Variants in LRRC75A observed in about 807,000 individuals in gnomAD.
LRRC75A encodes the protein leucine rich repeat containing 75A, also known as leucine-rich repeat-containing protein 75A.
In LRRC75A, 12 loss-of-function variants were observed where a neutral mutation model predicts 26.0. The ratio of observed to expected loss-of-function variants is 0.46; its 90% CI spans 0.30 to 0.75. LRRC75A has a LOEUF of 0.75. LRRC75A is among the 30% of genes least tolerant of loss of function. The probability of loss-of-function intolerance (pLI) is 0.08; values close to 1 mark genes in which losing one functional copy is unlikely to be tolerated. For missense variants in LRRC75A, 410 were observed against 486.6 expected, an observed-to-expected ratio of 0.84 and a Z score of 1.48; for synonymous variants, 223 against 219.3, an observed-to-expected ratio of 1.02 and a Z score of -0.15.
rs7224604 is a variant in LRRC75A at position 16,472,055 on chromosome 17, C to T, written c.247-9669G>A. Among the ~76,000 whole-genome samples, 1,216 of 152,130 alleles carry T rather than the reference C, an allele frequency of 8.0e-3. 24 individuals are homozygous for T. The highest frequency in any genetic ancestry group is 0.027 in the African/African-American group (1,128 of 41,466). ...AACTGTGCACCTAAAATGGTTAAAA[C>T]GGTATTTTATATTTGTATATTTTAT... On this transcript the variant is annotated intron_variant, in intron 1 of 3. Coordinates refer to ENST00000470794, the MANE Select transcript of LRRC75A (RefSeq NM_001113567.3).
At chr17:16,486,524 C>T (rs1280941635) in intron 1 of LRRC75A, among the ~76,000 whole-genome samples, 5 of 152,142 alleles carry the variant, frequency 3.3e-5, no homozygotes, top group Non-Finnish European at 5.9e-5. Context: ...CAGAGAGCGG[C>T]GGATTTTAAA....
chr17:16,461,564 G>A (rs1406884466), intron 2 of LRRC75A, among the ~76,000 whole-genome samples: 1 of 152,216 alleles, frequency 6.6e-6, no homozygotes, highest in Non-Finnish European at 1.5e-5. Context: ...TCTGGAGCCT[G>A]GAGAGCCATG....
Position 16,443,461 on chromosome 17 carries a change from T to G in LRRC75A, c.*127A>C. ...CCAGATGATATGGTTTGCCTTTCTGTAGGTGGGTGGCCCAGGCCAATTTTT... is the reference window on the plus strand; with the variant it reads ...CCAGATGATATGGTTTGCCTTTCTGGAGGTGGGTGGCCCAGGCCAATTTTT... On this transcript the variant is annotated 3_prime_UTR_variant, in exon 4 of 4. Coordinates refer to ENST00000470794, the MANE Select transcript of LRRC75A (RefSeq NM_001113567.3). 1 of 799,186 alleles carries G rather than the reference T, an allele frequency of 1.3e-6. No individual in the cohort carries two copies. Among genetic ancestry groups the G allele is most frequent in the Non-Finnish European group, 1.9e-6 (1 of 525,542 alleles). The allele number at this position is 799,186 out of a possible 1,614,324, so 49.5% of individuals were successfully genotyped here. A position where few individuals can be genotyped will look rare whatever the true frequency, so the allele number is the denominator to read the frequency against.
chr17:16,445,301 G>C (rs1005581634), intron 3 of LRRC75A, among the ~76,000 whole-genome samples: 4 of 151,668 alleles, frequency 2.6e-5, no homozygotes, highest in Admixed American at 2.0e-4. Flanking sequence ...GAGTAGCTGG[G>C]ACTACAGGTG....
chr17:16,460,390 C>T (rs1426632713), intron 2 of LRRC75A, among the ~76,000 whole-genome samples: 3 of 152,238 alleles, frequency 2.0e-5, no homozygotes, highest in Non-Finnish European at 4.4e-5. Context: ...GCCCCTCCTC[C>T]TGGCCTTGCC....
Position 16,442,603 on chromosome 17 carries a change from G to A in LRRC75A, c.*985C>T, listed in dbSNP as rs142561348. 56 of 152,390 alleles carry A rather than the reference G, an allele frequency of 3.7e-4. No individual in the cohort carries two copies. The highest frequency in any genetic ancestry group is 1.3e-3 in the African/African-American group (56 of 41,572). 9.4% of individuals were successfully genotyped at this position (152,390 alleles called of 1,614,324 possible). A position where few individuals can be genotyped will look rare whatever the true frequency, so the allele number is the denominator to read the frequency against. On this transcript the variant is annotated 3_prime_UTR_variant, in exon 4 of 4. Coordinates refer to ENST00000470794, the MANE Select transcript of LRRC75A (RefSeq NM_001113567.3). ...CTCCCTCTCCCCAGCCATCTTGTTG[G>A]ATCTGCCAAGGGATTGGACTCCTTC...
intron 2 of LRRC75A, among the ~76,000 whole-genome samples, chr17:16,453,314 A>ACACACACACACACG (rs1568956563): frequency 1.0e-5 from 1 of 100,398 alleles, no homozygotes; most frequent in African/African-American, 2.8e-5. Flanking sequence ...ACACACACGC[A>ACACACACACACACG]CACACGCACA....
At position 16,491,383 on chromosome 17, in the gene LRRC75A, C is replaced by T. The variant is rs1351597222; in HGVS notation, c.246+362G>A. 6.6e-6 allele frequency among the ~76,000 whole-genome samples: 1 copy of T among 152,248 alleles called. No homozygotes were observed. The highest frequency in any genetic ancestry group is 1.5e-5 in the Non-Finnish European group (1 of 68,040). On this transcript the variant is annotated intron_variant, in intron 1 of 3. Coordinates refer to ENST00000470794, the MANE Select transcript of LRRC75A (RefSeq NM_001113567.3). The surrounding 1 kb of genome is among the most constrained non-coding windows in gnomAD (Gnocchi z 5.9). ...TCGGCCGGGAGTGACTGCCAGTGGG[C>T]AGACAGGAAGAAAAGAGCCCTGGCC... is the stretch of plus-strand genomic sequence containing the variant.
At chr17:16,446,711 G>A (rs1260086399) in intron 3 of LRRC75A, among the ~76,000 whole-genome samples, 1 of 152,024 alleles carries the variant, frequency 6.6e-6, no homozygotes, top group Non-Finnish European at 1.5e-5. Context: ...AACCAGGAGA[G>A]GCCCTTAGGT....
chr17:16,450,762 GGA>G (rs2093624726), intron 2 of LRRC75A, among the ~76,000 whole-genome samples: 1 of 152,316 alleles, frequency 6.6e-6, no homozygotes, highest in East Asian at 1.9e-4. Context: ...ACTGGGAGAT[GGA>G]GAGAGGGGTG....
chr17:16,492,078 C>A lies in LRRC75A; in HGVS notation c.-88G>T. ...CGCCCCTCGGCCGCCCGTGCGCGCTCGCCTCCCGGGCTGCAACTTTGGGGG... is the reference window on the plus strand; with the variant it reads ...CGCCCCTCGGCCGCCCGTGCGCGCTAGCCTCCCGGGCTGCAACTTTGGGGG... On this transcript the variant is annotated 5_prime_UTR_variant, in exon 1 of 4. Coordinates refer to ENST00000470794, the MANE Select transcript of LRRC75A (RefSeq NM_001113567.3). 9.6e-7 allele frequency: 1 copy of A among 1,041,470 alleles called. No homozygotes were observed. The highest frequency in any genetic ancestry group is 4.5e-5 in the South Asian group (1 of 22,240). 64.5% of individuals were successfully genotyped at this position (1,041,470 alleles called of 1,614,324 possible).
At chr17:16,484,863 G>A (rs2093842691) in intron 1 of LRRC75A, among the ~76,000 whole-genome samples, 2 of 151,292 alleles carry the variant, frequency 1.3e-5, no homozygotes, top group African/African-American at 4.9e-5. Context: ...TCCTGGTTAA[G>A]ATAAAGTTAG....
rs1032377689 is a variant in LRRC75A, at chr17:16,442,569, A to G, written c.*1019T>C. On this transcript the variant is annotated 3_prime_UTR_variant, in exon 4 of 4. Transcript: ENST00000470794. ...AAGTTAGGTTCCTTTGGGAGCCTCCAGTTTGTTTCTCCCTCTCCCCAGCCA... is the reference window on the plus strand; with the variant it reads ...AAGTTAGGTTCCTTTGGGAGCCTCCGGTTTGTTTCTCCCTCTCCCCAGCCA... 1 of 152,268 alleles carries G rather than the reference A, an allele frequency of 6.6e-6. No individual in the cohort carries two copies. The highest frequency in any genetic ancestry group is 1.5e-5 in the Non-Finnish European group (1 of 68,068). The allele number at this position is 152,268 out of a possible 1,614,324, so 9.4% of individuals were successfully genotyped here.
intron 2 of LRRC75A, among the ~76,000 whole-genome samples, chr17:16,452,478 C>G (rs1054505551): frequency 4.6e-5 from 7 of 151,586 alleles, no homozygotes; most frequent in African/African-American, 1.7e-4. Context: ...CACTCTGTTG[C>G]CCAGGCTGGA....
At chr17:16,482,683 C>G (rs755814655) in intron 1 of LRRC75A, among the ~76,000 whole-genome samples, 3 of 152,242 alleles carry the variant, frequency 2.0e-5, no homozygotes, top group Non-Finnish European at 4.4e-5. Flanking sequence ...TGGCCAGAGA[C>G]AAGGGCAGAG....
In LRRC75A at chr17:16,443,340, C is replaced by G; in HGVS notation, c.*248G>C. On this transcript the variant is annotated 3_prime_UTR_variant, in exon 4 of 4. Transcript: ENST00000470794. ...CCATGAGCTGAGCTGAGAGGGTTCTCTGGGGCCTGGGATGACTTAAGAACC... is the reference window on the plus strand; with the variant it reads ...CCATGAGCTGAGCTGAGAGGGTTCTGTGGGGCCTGGGATGACTTAAGAACC... 3 of 482,908 alleles carry G rather than the reference C, an allele frequency of 6.2e-6. No individual in the cohort carries two copies. The highest frequency in any genetic ancestry group is 7.3e-6 in the Non-Finnish European group (2 of 272,820). 29.9% of individuals were successfully genotyped at this position (482,908 alleles called of 1,614,324 possible).
chr17:16,455,572 G>A (rs572056475), intron 2 of LRRC75A, among the ~76,000 whole-genome samples: 56 of 151,972 alleles, frequency 3.7e-4, no homozygotes, highest in African/African-American at 1.2e-3. Flanking sequence ...TATTAGAGAC[G>A]GGGTTTCACC....
At chr17:16,489,152 C>T (rs932900873) in intron 1 of LRRC75A, among the ~76,000 whole-genome samples, 7 of 152,148 alleles carry the variant, frequency 4.6e-5, no homozygotes, top group African/African-American at 1.7e-4. Flanking sequence ...CTCAAAGAGG[C>T]TAAGAAGCAC....
At position 16,443,379 on chromosome 17, in the gene LRRC75A, TG is replaced by T. The variant is rs574205925; in HGVS notation, c.*208del. ...GACTTAAGAACCAAATGGCAGATAA[TG>T]GGATAGGGGGCAGATGCAGAGGACC... On this transcript the variant is annotated 3_prime_UTR_variant, in exon 4 of 4. Coordinates refer to ENST00000470794, the MANE Select transcript of LRRC75A (RefSeq NM_001113567.3). 1.5e-4 allele frequency: 81 copies of T among 523,856 alleles called. No individual in the cohort carries two copies. Among genetic ancestry groups the T allele is most frequent in the Non-Finnish European group, 2.4e-4 (70 of 297,268 alleles). 32.5% of individuals were successfully genotyped at this position (523,856 alleles called of 1,614,324 possible).
Sources: allele counts gnomAD v4.1 joint callset (sites outside exome capture counted in the v4.1 genomes callset), GRCh38; gene constraint gnomAD v4.1.1; non-coding constraint Gnocchi (gnomAD v3.1); transcripts MANE v1.5; gene names NCBI Gene and HGNC (gene_info 2026-07-23, HGNC 2026-07-21).